PFKL: variants seen among roughly 807,000 people sequenced by gnomAD.
PFKL encodes the protein phosphofructokinase, liver type.
In PFKL, 74 loss-of-function variants were observed where a neutral mutation model predicts 92.1. That is an observed-to-expected ratio of 0.80 (90% CI 0.67 to 0.97). PFKL has a LOEUF of 0.97. Among genes scored for constraint, PFKL ranks in the 50% least tolerant of loss-of-function variants. The pLI, the probability that PFKL is intolerant of heterozygous loss-of-function variation, is 0.00. For synonymous variants in PFKL, 494 were observed against 456.4 expected (o/e 1.08, Z -1.05); for missense variants, 1,028 against 1,116.6 (o/e 0.92, Z 1.13).
At chr21:44,325,812 G>T (rs2047490275) in intron 19 of PFKL, 149 bp from the exon 20 acceptor site, 3 of 619,214 alleles carry the variant, frequency 4.8e-6, no homozygotes, top group African/African-American at 1.8e-5. Context: ...CCTCGATCGG[G>T]AACAGACGGG....
In PFKL at chr21:44,326,402, C is replaced by T. The variant is rs76585956; in HGVS notation, c.2195+138C>T. On this transcript the variant is annotated intron_variant, in intron 21 of 21. Transcript: ENST00000349048. ...TCCTGGGCCCCCATGCCCAGGTCCC[C>T]GCCAGGCCGTGGAGAGCAGGGACCA... is the stretch of plus-strand genomic sequence containing the variant. The T allele has an allele frequency of 5.1e-3, 3,600 of 706,594 alleles. 97 individuals are homozygous for T. In the African/African-American group the frequency reaches 0.056, roughly 11 times the overall value. The allele number at this position is 706,594 out of a possible 1,614,324, so 43.8% of individuals were successfully genotyped here.
chr21:44,307,403 A>G (rs2040982584), intron 2 of PFKL: 2 of 628,828 alleles, frequency 3.2e-6, no homozygotes, highest in Non-Finnish European at 4.0e-6. Context: ...CACACCACGC[A>G]CTCACAGGCT....
intron 1 of PFKL, among the ~76,000 whole-genome samples, chr21:44,303,562 C>A (rs1337201428): frequency 6.6e-6 from 1 of 152,078 alleles, no homozygotes; most frequent in Non-Finnish European, 1.5e-5. Context: ...GGACACCGTG[C>A]CCTGCCTTTC....
rs1005489881 is a variant in PFKL at position 44,313,932 on chromosome 21, G to A, written c.658G>A (p.Ala220Thr). 1 of 1,601,148 alleles carries A rather than the reference G, an allele frequency of 6.2e-7. No individual in the cohort carries two copies. Among genetic ancestry groups the A allele is most frequent in the Non-Finnish European group, 8.5e-7 (1 of 1,175,926 alleles). Reference protein sequence around the residue: ...RHCGYLALVSALASGADWLFI... With the variant: ...RHCGYLALVSTLASGADWLFI... ...CTCCAGGTACCTGGCGCTGGTATCT[G>A]CACTGGCCTCAGGGGCCGACTGGCT... Residue 220 changes from alanine (A) to threonine (T), a missense_variant, in exon 7 of 22, where the codon GCA becomes ACA. Transcript: ENST00000349048.
At chr21:44,306,621 A>AGG (rs563378995) in intron 1 of PFKL, 60 bp from the exon 2 acceptor site, 3 of 1,401,710 alleles carry the variant, frequency 2.1e-6, no homozygotes, top group East Asian at 2.4e-5. Context: ...TGAGATGGGG[A>AGG]GGGTGTCCAG....
chr21:44,310,849 G>A (rs975586946), intron 2 of PFKL, among the ~76,000 whole-genome samples, 157 bp from the exon 3 acceptor site: 3 of 152,030 alleles, frequency 2.0e-5, no homozygotes, highest in African/African-American at 7.2e-5. Flanking sequence ...GGGGGCACCC[G>A]GACCCTGTTA....
chr21:44,306,114 C>T (rs2040934651), intron 1 of PFKL, among the ~76,000 whole-genome samples: 1 of 65,348 alleles, frequency 1.5e-5, no homozygotes, highest in South Asian at 3.9e-4. Context: ...ACGCCGCAGC[C>T]TGAATGTCTG....
intron 1 of PFKL, among the ~76,000 whole-genome samples, chr21:44,301,606 T>C (rs1474632174): frequency 1.3e-5 from 2 of 152,106 alleles, no homozygotes; most frequent in African/African-American, 4.8e-5. Flanking sequence ...AGGAGGCCCG[T>C]GGCCTTGGAG....
intron 1 of PFKL, among the ~76,000 whole-genome samples, chr21:44,305,637 T>C (rs1305977273): frequency 9.2e-5 from 14 of 152,186 alleles, no homozygotes; most frequent in Non-Finnish European, 4.4e-5. Flanking sequence ...CCCTGGCCGC[T>C]GGCGTGGGTT....
Position 44,312,308 on chromosome 21 carries a change from CG to C in PFKL, c.427+16del. On this transcript the variant is annotated intron_variant, in intron 4 of 21. Coordinates refer to ENST00000349048, the MANE Select transcript of PFKL (RefSeq NM_002626.6). Reference sequence around the variant, plus strand: ...TGGTGGCGGAAGGTGGGTCTGTGCCCGGCGCACTGTAGGCCCTGGGGTTTTG... The same window carrying C: ...TGGTGGCGGAAGGTGGGTCTGTGCCCGCGCACTGTAGGCCCTGGGGTTTTG... 5 of 1,575,340 alleles carry C rather than the reference CG, an allele frequency of 3.2e-6. No homozygotes were observed. Among genetic ancestry groups the C allele is most frequent in the Non-Finnish European group, 4.3e-6 (5 of 1,163,734 alleles).
At chr21:44,306,576 A>T in intron 1 of PFKL, 105 bp from the exon 2 acceptor site, 1 of 857,528 alleles carries the variant, frequency 1.2e-6, no homozygotes, top group Non-Finnish European at 1.9e-6. Flanking sequence ...TCTGAGATGG[A>T]CAGGGTGTCC....
intron 11 of PFKL, chr21:44,319,799 C>T: frequency 2.0e-6 from 1 of 512,198 alleles, no homozygotes; most frequent in Non-Finnish European, 3.5e-6. Flanking sequence ...GTCTGGGTTC[C>T]CATGCGTGCC....
At chr21:44,310,346 C>T (rs536512840) in intron 2 of PFKL, among the ~76,000 whole-genome samples, 86 of 152,292 alleles carry the variant, frequency 5.6e-4, no homozygotes, top group African/African-American at 1.9e-3. Flanking sequence ...GCCGGCGTGG[C>T]GGGACGCGGA....
intron 17 of PFKL, 25 bp from the exon 18 acceptor site, chr21:44,324,831 T>C: frequency 6.2e-7 from 1 of 1,601,916 alleles, no homozygotes. Flanking sequence ...GTCCTCCGGC[T>C]CATCCGTGTC....
chr21:44,325,099 C>CG (rs1357976582), intron 18 of PFKL, 54 bp from the exon 19 acceptor site: 3 of 1,334,864 alleles, frequency 2.2e-6, no homozygotes, highest in African/African-American at 2.9e-5. Flanking sequence ...GACTCAGGAT[C>CG]GGGGGGAGAC....
intron 7 of PFKL, 73 bp downstream of exon 7, chr21:44,314,094 C>A: frequency 3.0e-6 from 3 of 984,138 alleles, no homozygotes; most frequent in South Asian, 1.4e-5. Flanking sequence ...GGTTTTGGGA[C>A]CAGCCTTGAC....
Position 44,300,415 on chromosome 21 carries a change from C to A in PFKL, c.85+225C>A, listed in dbSNP as rs553634465. 4.1e-3 allele frequency among the ~76,000 whole-genome samples: 617 copies of A among 152,168 alleles called. 5 individuals carry two copies. The highest frequency in any genetic ancestry group is 6.2e-3 in the Non-Finnish European group (420 of 67,968). On this transcript the variant is annotated intron_variant, in intron 1 of 21. Transcript: ENST00000349048. Reference sequence around the variant, plus strand: ...CCACGTTCTCGGCCTCCGCCTGGGTCTTGGCGCCGCCCGCGCCCTGCCCCG... The same window carrying A: ...CCACGTTCTCGGCCTCCGCCTGGGTATTGGCGCCGCCCGCGCCCTGCCCCG...
At position 44,327,291 on chromosome 21, in the gene PFKL, C is replaced by T. The variant is rs76389495; in HGVS notation, c.*429C>T. 4,075 of 208,016 alleles carry T rather than the reference C, an allele frequency of 0.02. 188 individuals carry two copies. The highest frequency in any genetic ancestry group is 0.086 in the African/African-American group (3,782 of 44,154). The allele number at this position is 208,016 out of a possible 1,614,324, so 12.9% of individuals were successfully genotyped here. A position where few individuals can be genotyped will look rare whatever the true frequency, so the allele number is the denominator to read the frequency against. On this transcript the variant is annotated 3_prime_UTR_variant, in exon 22 of 22. Coordinates refer to ENST00000349048, the MANE Select transcript of PFKL (RefSeq NM_002626.6). ...TGCCCCTGGCCCTGCCTCACTGTGA[C>T]CTGCTCCTGCCCACGTGCAGCACCT... is the stretch of plus-strand genomic sequence containing the variant.
Position 44,322,414 on chromosome 21 carries a change from C to T in PFKL, c.1409+211C>T, listed in dbSNP as rs187494223. On this transcript the variant is annotated intron_variant, in intron 14 of 21. Transcript: ENST00000349048. ...GTAGGGCAGGCTGCTCTGGCGGCCC[C>T]ATGCCCATGGTGGGCTCTCCGTGGC... 4.9e-3 allele frequency among the ~76,000 whole-genome samples: 747 copies of T among 152,330 alleles called. 6 individuals are homozygous for T. The highest frequency in any genetic ancestry group is 0.017 in the African/African-American group (718 of 41,580).
Sources: allele counts gnomAD v4.1 joint callset (sites outside exome capture counted in the v4.1 genomes callset), GRCh38; gene constraint gnomAD v4.1.1; transcripts MANE v1.5; gene names NCBI Gene and HGNC (gene_info 2026-07-23, HGNC 2026-07-21).